TNKS2: variants seen among roughly 807,000 people sequenced by gnomAD.
TNKS2 encodes the protein poly [ADP-ribose] polymerase tankyrase-2.
Under a neutral mutation model 137.6 loss-of-function variants are expected in TNKS2, and 72 were observed. That is an observed-to-expected ratio of 0.52 (90% CI 0.43 to 0.64). The LOEUF (loss-of-function observed/expected upper bound fraction) is 0.64, where lower values mean the gene tolerates loss of function less well. Ranked by LOEUF, TNKS2 falls within the 30% of genes least tolerant of loss-of-function variation. TNKS2 has a pLI of 0.00. For synonymous variants in TNKS2, 516 were observed against 512.1 expected (o/e 1.01, Z -0.10); for missense variants, 1,049 against 1,410.2 (o/e 0.74, Z 4.10).
intron 3 of TNKS2, among the ~76,000 whole-genome samples, chr10:91,818,827 C>T (rs950638678): frequency 2.6e-5 from 4 of 152,122 alleles, no homozygotes; most frequent in Non-Finnish European, 5.9e-5. Flanking sequence ...GCCAATACAC[C>T]CGGACATTTT....
chr10:91,843,927 A>G (rs1357877308), intron 16 of TNKS2, among the ~76,000 whole-genome samples: 3 of 152,228 alleles, frequency 2.0e-5, no homozygotes, highest in East Asian at 1.9e-4. Context: ...AAAGAAACCA[A>G]TTACTCTATG....
At chr10:91,839,915 G>T (rs1412788296) in intron 13 of TNKS2, among the ~76,000 whole-genome samples, 1 of 152,196 alleles carries the variant, frequency 6.6e-6, no homozygotes, top group African/African-American at 2.4e-5. Flanking sequence ...GTAATCTCAT[G>T]TACCTCTATG....
chr10:91,856,532 G>A (rs1355859937), intron 23 of TNKS2, among the ~76,000 whole-genome samples: 5 of 152,160 alleles, frequency 3.3e-5, no homozygotes, highest in Non-Finnish European at 7.4e-5. Context: ...TTAACAAAAT[G>A]TGTGGAGTTT....
At chr10:91,840,492 TA>T (rs1471963027) in intron 13 of TNKS2, 68 bp from the exon 14 acceptor site, 1 of 1,409,974 alleles carries the variant, frequency 7.1e-7, no homozygotes, top group East Asian at 2.4e-5. Context: ...AAATTCCTAC[TA>T]AATGACTTGA....
At chr10:91,809,051 GT>G (rs1459036942) in intron 1 of TNKS2, among the ~76,000 whole-genome samples, 1 of 152,054 alleles carries the variant, frequency 6.6e-6, no homozygotes, top group African/African-American at 2.4e-5. Flanking sequence ...AATGGAACTA[GT>G]TACATTTTGA....
intron 21 of TNKS2, 56 bp from the exon 22 acceptor site, chr10:91,854,973 T>G: frequency 1.0e-6 from 1 of 952,820 alleles, no homozygotes; most frequent in Non-Finnish European, 1.6e-6. Flanking sequence ...TTTTTGGTTT[T>G]GATGTTCATT....
chr10:91,841,483 T>G (rs1379068478), intron 15 of TNKS2, 35 bp downstream of exon 15: 1 of 1,505,752 alleles, frequency 6.6e-7, no homozygotes, highest in Middle Eastern at 2.3e-4. Context: ...AGAGTATGAA[T>G]TACATAGCAT....
chr10:91,841,770 T>C (rs1184948311), intron 15 of TNKS2, among the ~76,000 whole-genome samples: 13 of 152,118 alleles, frequency 8.5e-5, no homozygotes, highest in Admixed American at 8.5e-4. Flanking sequence ...GCCAGATTTA[T>C]TTAGCATTGA....
At position 91,842,373 on chromosome 10, in the gene TNKS2, A is replaced by T; in HGVS notation, c.2041A>T (p.Thr681Ser). ...CCGCGATACCCAAGGCAGACATTCA[A>T]CACCTTTACATTTAGCAGGTAAGTG... is the stretch of plus-strand genomic sequence containing the variant. ...NCRDTQGRHS[T>S]PLHLAAGYNN... The change falls in exon 16 of 27, where the codon ACA (threonine) becomes TCA (serine). Residue 681 changes from threonine to serine, a missense_variant. Thr to Ser is a moderately conservative substitution (Grantham distance 58, BLOSUM62 1). Around this residue, in one of 6 missense-constraint regions of TNKS2, gnomAD observed 328 missense variants for 436.0 expected, o/e 0.75. Transcript: ENST00000371627. 6.2e-7 allele frequency: 1 copy of T among 1,614,148 alleles called. No homozygotes were observed. The highest frequency in any genetic ancestry group is 2.2e-5 in the East Asian group (1 of 44,886).
At position 91,819,919 on chromosome 10, in the gene TNKS2, A is replaced by G. The variant is rs1260440111; in HGVS notation, c.634-20A>G. ...CAACCATTATTTGAATTTCATTAAT[A>G]TATTTGATTAATATTTCAGTCAACT... On this transcript the variant is annotated intron_variant, in intron 5 of 26. Coordinates refer to ENST00000371627, the MANE Select transcript of TNKS2 (RefSeq NM_025235.4). 6.7e-7 allele frequency: 1 copy of G among 1,497,836 alleles called. No homozygotes were observed. Among genetic ancestry groups the G allele is most frequent in the East Asian group, 2.3e-5 (1 of 42,572 alleles). The allele number at this position is 1,497,836 out of a possible 1,614,324, so 92.8% of individuals were successfully genotyped here. A position where few individuals can be genotyped will look rare whatever the true frequency, so the allele number is the denominator to read the frequency against.
At position 91,831,125 on chromosome 10, in the gene TNKS2, G is replaced by A. The variant is rs1468352742; in HGVS notation, c.1219G>A (p.Ala407Thr). The change falls in exon 11 of 27, where the codon GCA (alanine) becomes ACA (threonine). Residue 407 changes from alanine (A) to threonine (T), a missense_variant. Coordinates refer to ENST00000371627, the MANE Select transcript of TNKS2 (RefSeq NM_025235.4). ...TKEFLTPLHVASEKAHNDVVE... is the reference protein window; with the variant it reads ...TKEFLTPLHVTSEKAHNDVVE... ...AAGATTCTTGACTCCTCTGCACGTG[G>A]CATCTGAGAAAGCTCATAATGATGT... 4 of 1,613,808 alleles carry A rather than the reference G, an allele frequency of 2.5e-6. No homozygotes were observed. Among genetic ancestry groups the A allele is most frequent in the Non-Finnish European group, 3.4e-6 (4 of 1,179,928 alleles).
At chr10:91,822,177 A>G (rs1844910935) in intron 6 of TNKS2, 119 bp from the exon 7 acceptor site, 2 of 756,140 alleles carry the variant, frequency 2.6e-6, no homozygotes, top group Admixed American at 2.7e-5. Context: ...TTTTATTAGA[A>G]CATCACATAA....
chr10:91,856,660 T>A (rs1157799062), intron 23 of TNKS2, among the ~76,000 whole-genome samples: 1 of 152,218 alleles, frequency 6.6e-6, no homozygotes, highest in East Asian at 1.9e-4. Context: ...GTAATAAAAA[T>A]TTTTTCAGTG....
chr10:91,804,355 G>A (rs187888391), intron 1 of TNKS2, among the ~76,000 whole-genome samples: 1 of 152,324 alleles, frequency 6.6e-6, no homozygotes, highest in East Asian at 1.9e-4. Context: ...ATACTTTACA[G>A]ATAGGCCTGC....
rs772537546 is a variant in TNKS2, at chr10:91,845,781, G to C, written c.2199G>C (p.Lys733Asn). The change falls in exon 18 of 27, where the codon AAG (lysine) becomes AAC (asparagine). Residue 733 changes from lysine to asparagine, a missense_variant. Transcript: ENST00000371627. ...TAGATGTAGCAGCTCTACTAATAAA[G>C]TATAATGCATGTGTCAATGCCACGG... Reference protein sequence around the residue: ...GHVDVAALLIKYNACVNATDK... With the variant: ...GHVDVAALLINYNACVNATDK... The C allele has an allele frequency of 1.3e-6, 2 of 1,588,642 alleles. No individual in the cohort carries two copies. Among genetic ancestry groups the C allele is most frequent in the South Asian group, 1.1e-5 (1 of 88,526 alleles).
At chr10:91,800,125 G>A (rs1326059715) in intron 1 of TNKS2, among the ~76,000 whole-genome samples, 1 of 152,144 alleles carries the variant, frequency 6.6e-6, no homozygotes, top group Non-Finnish European at 1.5e-5. Context: ...TTAAAAAGAA[G>A]AAAGTTTAGG....
chr10:91,809,848 T>G (rs1320056412), intron 1 of TNKS2, among the ~76,000 whole-genome samples: 1 of 152,084 alleles, frequency 6.6e-6, no homozygotes, highest in Non-Finnish European at 1.5e-5. Context: ...CCTAAACACA[T>G]CATTCTGTAA....
chr10:91,807,580 A>G, intron 1 of TNKS2: 1 of 759,824 alleles, frequency 1.3e-6, no homozygotes, highest in Non-Finnish European at 2.3e-6. Flanking sequence ...TCCTTTTCAT[A>G]TACTGTGATA....
chr10:91,849,648 A>G (rs1842485699), intron 20 of TNKS2, 54 bp downstream of exon 20: 3 of 1,400,354 alleles, frequency 2.1e-6, no homozygotes, highest in Non-Finnish European at 3.0e-6. Flanking sequence ...ACTCAAGGAA[A>G]ATTTGGAACA....
Sources: allele counts gnomAD v4.1 joint callset (sites outside exome capture counted in the v4.1 genomes callset), GRCh38; gene constraint gnomAD v4.1.1; regional missense constraint gnomAD v4.1.1; transcripts MANE v1.5; gene names NCBI Gene and HGNC (gene_info 2026-07-23, HGNC 2026-07-21).